ADGRL3: variants seen among roughly 807,000 people sequenced by gnomAD.
ADGRL3 encodes the protein adhesion G protein-coupled receptor L3, also known as calcium-independent alpha-latrotoxin receptor 3.
In ADGRL3, 62 loss-of-function variants were observed where a neutral mutation model predicts 153.5. The ratio of observed to expected loss-of-function variants is 0.40; its 90% CI spans 0.33 to 0.50. ADGRL3 has a LOEUF of 0.50. ADGRL3 is among the 20% of genes least tolerant of loss of function. ADGRL3 has a pLI of 0.47. For synonymous variants in ADGRL3, 710 were observed against 672.5 expected (o/e 1.06, Z -0.86); for missense variants, 1,641 against 1,859.4 (o/e 0.88, Z 2.16).
At chr4:61,231,644 A>G (rs996473473) in intron 1 of ADGRL3, among the ~76,000 whole-genome samples, 65 of 152,172 alleles carry the variant, frequency 4.3e-4, no homozygotes, top group Admixed American at 2.0e-3. Context: ...TAGCAACTGC[A>G]CTTCCCTTGC....
At chr4:61,437,313 T>C (rs931937410) in intron 2 of ADGRL3, among the ~76,000 whole-genome samples, 2 of 152,218 alleles carry the variant, frequency 1.3e-5, no homozygotes, top group South Asian at 2.1e-4. Context: ...TGTTGGAAAT[T>C]TGAAAACATT....
intron 18 of ADGRL3, among the ~76,000 whole-genome samples, chr4:61,982,987 T>C (rs2099073599): frequency 6.6e-6 from 1 of 152,176 alleles, no homozygotes; most frequent in Non-Finnish European, 1.5e-5. Flanking sequence ...AAGAACTTAC[T>C]ATGTTAGTAT....
chr4:61,997,937 T>C (rs1257910685), intron 20 of ADGRL3, among the ~76,000 whole-genome samples: 1 of 152,210 alleles, frequency 6.6e-6, no homozygotes, highest in Non-Finnish European at 1.5e-5. Flanking sequence ...ATGCTGATTT[T>C]ATATTTGTGT....
rs1457368336 is a variant in ADGRL3 at position 62,077,532 on chromosome 4, A to G, written c.*6624A>G. On this transcript the variant is annotated 3_prime_UTR_variant, in exon 27 of 27. Coordinates refer to ENST00000683033, the MANE Select transcript of ADGRL3 (RefSeq NM_001387552.1). ...ATTGATTGCTCTCAAAAGATGTTTGACAAAGTTAAGTCAGTATCTTCAATG... is the reference window on the plus strand; with the variant it reads ...ATTGATTGCTCTCAAAAGATGTTTGGCAAAGTTAAGTCAGTATCTTCAATG... 1 of 152,048 alleles carries G rather than the reference A, an allele frequency of 6.6e-6. No individual in the cohort carries two copies. The highest frequency in any genetic ancestry group is 2.4e-5 in the African/African-American group (1 of 41,442). The allele number at this position is 152,048 out of a possible 1,614,324, so 9.4% of individuals were successfully genotyped here.
chr4:61,644,466 T>C (rs1369237993), intron 5 of ADGRL3, among the ~76,000 whole-genome samples: 16 of 152,200 alleles, frequency 1.1e-4, no homozygotes, highest in Non-Finnish European at 1.5e-5. Flanking sequence ...TTTGAATGCG[T>C]CCCAGAGATT....
chr4:61,782,152 G>A (rs77576094), intron 8 of ADGRL3, among the ~76,000 whole-genome samples: 430 of 152,248 alleles, frequency 2.8e-3, no homozygotes, highest in African/African-American at 9.7e-3. Context: ...ACTACAGACA[G>A]AGATGCAACA....
intron 9 of ADGRL3, among the ~76,000 whole-genome samples, chr4:61,889,364 A>G (rs929152365): frequency 4.6e-5 from 7 of 152,214 alleles, no homozygotes; most frequent in South Asian, 4.1e-4. Context: ...GTAATTTTCT[A>G]TGGTTTAAAG....
At chr4:61,747,943 GTA>G (rs911033772) in intron 8 of ADGRL3, among the ~76,000 whole-genome samples, 64 of 152,194 alleles carry the variant, frequency 4.2e-4, no homozygotes, top group African/African-American at 1.5e-3. Context: ...TGACATGATT[GTA>G]TATATAGGAA....
At chr4:61,557,091 G>A (rs183374084) in intron 4 of ADGRL3, among the ~76,000 whole-genome samples, 2 of 152,184 alleles carry the variant, frequency 1.3e-5, no homozygotes, top group Admixed American at 6.5e-5. Context: ...CAAATCAGAG[G>A]TAAGATAAAA....
Position 61,659,897 on chromosome 4 carries a change from CA to C in ADGRL3, c.474-16910del, listed in dbSNP as rs566191178. On this transcript the variant is annotated intron_variant, in intron 5 of 26. Transcript: ENST00000683033. ...GGTCATGAAAATCAAGTGAAGATTA[CA>C]AAAAAAAAAAAAAAAAAAGCTGTAG... 1.2e-3 allele frequency among the ~76,000 whole-genome samples: 132 copies of C among 109,110 alleles called. 1 individual carries two copies. Among genetic ancestry groups the C allele is most frequent in the African/African-American group, 4.3e-3 (123 of 28,638 alleles). 71.6% of individuals were successfully genotyped at this position (109,110 alleles called of 152,430 possible). A position where few individuals can be genotyped will look rare whatever the true frequency, so the allele number is the denominator to read the frequency against.
intron 1 of ADGRL3, among the ~76,000 whole-genome samples, chr4:61,280,820 C>T (rs1320103956): frequency 6.6e-6 from 1 of 151,962 alleles, no homozygotes; most frequent in Admixed American, 6.6e-5. Context: ...TGTAATATAT[C>T]CACTTAGCAA....
chr4:61,781,075 C>T (rs2097207550), intron 8 of ADGRL3, among the ~76,000 whole-genome samples: 1 of 151,890 alleles, frequency 6.6e-6, no homozygotes, highest in Non-Finnish European at 1.5e-5. Flanking sequence ...GCCTGTAATC[C>T]CAGTGCTTTG....
At chr4:61,478,393 GA>G (rs906460538) in intron 2 of ADGRL3, among the ~76,000 whole-genome samples, 6 of 150,318 alleles carry the variant, frequency 4.0e-5, no homozygotes, top group South Asian at 2.1e-4. Flanking sequence ...AGAGAAAGGG[GA>G]AAAAAAAAGA....
intron 4 of ADGRL3, among the ~76,000 whole-genome samples, chr4:61,534,199 A>G (rs1048950487): frequency 6.6e-6 from 1 of 152,038 alleles, no homozygotes; most frequent in African/African-American, 2.4e-5. Context: ...TTATTGCATA[A>G]GGTGTCCTTT....
chr4:61,584,866 A>T (rs987978347), intron 4 of ADGRL3, among the ~76,000 whole-genome samples: 2 of 151,992 alleles, frequency 1.3e-5, no homozygotes, highest in Non-Finnish European at 2.9e-5. Context: ...AAATACACTT[A>T]TGAAAATGTC....
rs1251519965 is a variant in ADGRL3, at chr4:61,935,905, T to C, written c.2297-18T>C. 2.5e-6 allele frequency: 4 copies of C among 1,579,958 alleles called. No homozygotes were observed. Among genetic ancestry groups the C allele is most frequent in the East Asian group, 2.3e-5 (1 of 43,888 alleles). ...GTATGTTTCTCAATGAGCACTGATA[T>C]CTCTTTGATATTAACAGAATTGGAA... is the stretch of plus-strand genomic sequence containing the variant. On this transcript the variant is annotated intron_variant, in intron 14 of 26. Coordinates refer to ENST00000683033, the MANE Select transcript of ADGRL3 (RefSeq NM_001387552.1).
Position 61,869,458 on chromosome 4 carries a change from C to T in ADGRL3, c.1481-23198C>T, listed in dbSNP as rs1006790475. On this transcript the variant is annotated intron_variant, in intron 9 of 26. Coordinates refer to ENST00000683033, the MANE Select transcript of ADGRL3 (RefSeq NM_001387552.1). ...CTAAAAATACAAAAAATTAGCCGGG[C>T]GCGGTGGCGGGCGCCTGTAGTCCCA... is the stretch of plus-strand genomic sequence containing the variant. 1.1e-4 allele frequency among the ~76,000 whole-genome samples: 16 copies of T among 151,370 alleles called. No homozygotes were observed. The East Asian group carries it at 2.0e-3, about 19-fold the overall frequency.
intron 2 of ADGRL3, among the ~76,000 whole-genome samples, chr4:61,466,758 T>G (rs2097889259): frequency 6.6e-6 from 1 of 152,198 alleles, no homozygotes; most frequent in African/African-American, 2.4e-5. Context: ...TGGAAAATTC[T>G]ATTGTATATC....
At chr4:61,994,517 T>G (rs1323862535) in intron 19 of ADGRL3, among the ~76,000 whole-genome samples, 1 of 151,840 alleles carries the variant, frequency 6.6e-6, no homozygotes, top group Non-Finnish European at 1.5e-5. Context: ...TTTTTTTTGC[T>G]TAAAAATCTA....
Sources: allele counts gnomAD v4.1 joint callset (sites outside exome capture counted in the v4.1 genomes callset), GRCh38; gene constraint gnomAD v4.1.1; transcripts MANE v1.5; gene names NCBI Gene and HGNC (gene_info 2026-07-23, HGNC 2026-07-21).